Variants in LAMA1 observed in about 807,000 individuals in gnomAD.
The protein encoded by LAMA1 is laminin subunit alpha 1.
A neutral mutation model predicts 348.7 loss-of-function variants in LAMA1; 219 were observed. That is an observed-to-expected ratio of 0.63 (90% confidence interval 0.56 to 0.70). LAMA1 has a LOEUF of 0.70. Among genes scored for constraint, LAMA1 ranks in the 30% least tolerant of loss-of-function variants. LAMA1 has a pLI of 0.00. For missense variants in LAMA1, 3,744 were observed against 3,888.0 expected (o/e 0.96, Z 0.99); for synonymous variants, 1,487 against 1,491.0 (o/e 1.00, Z 0.06).
rs2057627704 is a variant in LAMA1, at chr18:6,965,290, T to C, written c.7193A>G (p.Gln2398Arg). The C allele has an allele frequency of 6.2e-7, 1 of 1,614,232 alleles. No homozygotes were observed. The highest frequency in any genetic ancestry group is 8.5e-7 in the Non-Finnish European group (1 of 1,180,030). Residue 2398 changes from glutamine (Q) to arginine (R), a missense_variant and splice_region_variant, in exon 50 of 63, where the codon CAA becomes CGA. This residue lies in a region of LAMA1 where 1,983 missense variants were observed against 1,934.3 expected (regional missense o/e 1.03). Coordinates refer to ENST00000389658, the MANE Select transcript of LAMA1 (RefSeq NM_005559.4). ...GGTGAGTCCATCTGTGTCCCTACCT[T>C]GCTTCCGGTTTCGCTGGAAGGCAAT... ...YKIAFQRNRK[Q>R]GVLAVIDAYN...
chr18:6,966,299 T>A lies in LAMA1; in HGVS notation c.6900-2A>T, dbSNP rs2057633210. The A allele has an allele frequency of 6.2e-7, 1 of 1,612,920 alleles. No individual in the cohort carries two copies. The highest frequency in any genetic ancestry group is 1.3e-5 in the African/African-American group (1 of 74,920). ...AAGGAAGGGTCTTCATTCTGGGAGC[T>A]GCAAAGCAGAAGAGATGAAATAGAA... is the stretch of plus-strand genomic sequence containing the variant. On this transcript the variant is annotated splice_acceptor_variant, in intron 48 of 62. Transcript: ENST00000389658. LOFTEE classifies it high-confidence loss of function.
chr18:6,979,743 CA>C (rs1465528123), intron 42 of LAMA1, among the ~76,000 whole-genome samples: 1 of 151,858 alleles, frequency 6.6e-6, no homozygotes, highest in South Asian at 2.1e-4. Context: ...ACTAAAAATA[CA>C]AAAAATTAGC....
intron 56 of LAMA1, chr18:6,955,734 AC>A: frequency 1.8e-6 from 1 of 546,290 alleles, no homozygotes; most frequent in South Asian, 1.8e-5. Flanking sequence ...AGTCTCTCCT[AC>A]AAATTTTCAT....
intron 1 of LAMA1, among the ~76,000 whole-genome samples, chr18:7,113,546 TG>T (rs1165400396): frequency 6.6e-6 from 1 of 152,096 alleles, no homozygotes; most frequent in Non-Finnish European, 1.5e-5. Context: ...TAAGTCACAT[TG>T]GGGAACATTA....
rs757910150 is a variant in LAMA1 at position 6,964,618 on chromosome 18, A to G, written c.7337+44T>C. On this transcript the variant is annotated intron_variant, in intron 51 of 62. Transcript: ENST00000389658. ...CCATTCTCAGCCCTAGCAAGCTAATAAAGTTGGAAATCAGCGACATGAAAA... is the reference window on the plus strand; with the variant it reads ...CCATTCTCAGCCCTAGCAAGCTAATGAAGTTGGAAATCAGCGACATGAAAA... 3.1e-6 allele frequency: 5 copies of G among 1,610,286 alleles called. No homozygotes were observed. The East Asian group carries it at 1.1e-4, about 36-fold the overall frequency.
chr18:6,991,614 T>TCCTGATCCCAGATGATCTGCCCG (rs1461037450), intron 36 of LAMA1, among the ~76,000 whole-genome samples: 1 of 151,998 alleles, frequency 6.6e-6, no homozygotes, highest in Non-Finnish European at 1.5e-5. Flanking sequence ...GGTTTTGAAC[T>TCCTGATCCCAGATGATCTGCCCG]CCTGATCCCA....
chr18:6,966,139 ACT>A lies in LAMA1; in HGVS notation c.7050+6_7050+7del. On this transcript the variant is annotated splice_donor_region_variant and intron_variant, in intron 49 of 62. Transcript: ENST00000389658. ...CAGTAGGGCCTAGGGCCGCACAAAC[ACT>A]CTTACTGTGCCGTATGAACCCAGGT... 1 of 1,614,020 alleles carries A rather than the reference ACT, an allele frequency of 6.2e-7. No homozygotes were observed.
Position 6,956,783 on chromosome 18 carries a change from A to G in LAMA1, c.7965-18T>C. Reference sequence around the variant, plus strand: ...CCAAAAGTCTAGGTAGAAACAAGAGAGTGTTTTCAAAATTAGGATATCACA... The same window carrying G: ...CCAAAAGTCTAGGTAGAAACAAGAGGGTGTTTTCAAAATTAGGATATCACA... On this transcript the variant is annotated intron_variant, in intron 55 of 62. Transcript: ENST00000389658. 6.2e-7 allele frequency: 1 copy of G among 1,614,076 alleles called. No homozygotes were observed. The highest frequency in any genetic ancestry group is 1.1e-5 in the South Asian group (1 of 91,080).
rs549125218 is a variant in LAMA1, at chr18:7,098,497, C to T, written c.62-18040G>A. 8.0e-5 allele frequency among the ~76,000 whole-genome samples: 12 copies of T among 150,384 alleles called. No individual in the cohort carries two copies. The South Asian group carries it at 2.5e-3, about 32-fold the overall frequency. ...TAAGATGTGGGGAGCGCCTCTGCCC[C>T]GCCGCCCCGTCTGGGATGTGAGGAG... On this transcript the variant is annotated intron_variant, in intron 1 of 62. Transcript: ENST00000389658.
At chr18:6,993,141 C>G (rs1319019932) in intron 35 of LAMA1, among the ~76,000 whole-genome samples, 1 of 152,134 alleles carries the variant, frequency 6.6e-6, no homozygotes, top group Non-Finnish European at 1.5e-5. Context: ...CCTATAAAGT[C>G]TGATTTTTAT....
chr18:7,008,416 C>G, intron 28 of LAMA1, 72 bp downstream of exon 28: 1 of 1,572,660 alleles, frequency 6.4e-7, no homozygotes, highest in Non-Finnish European at 8.7e-7. Context: ...TTCTGTTCAT[C>G]TCTGGGAGTT....
At chr18:7,079,547 CT>C (rs146488865) in intron 3 of LAMA1, 4,178 of 258,070 alleles carry the variant, frequency 0.016, 176 homozygotes, top group African/African-American at 0.085. Context: ...ACCGTTTTGT[CT>C]TTTTTTCTTC....
intron 1 of LAMA1, among the ~76,000 whole-genome samples, chr18:7,088,573 A>G (rs1242205545): frequency 6.6e-6 from 1 of 152,020 alleles, no homozygotes. Flanking sequence ...GCTGGAGTGC[A>G]GCGGTGCAAT....
At position 6,983,184 on chromosome 18, in the gene LAMA1, T is replaced by C. The variant is rs201437320; in HGVS notation, c.5711A>G (p.Tyr1904Cys). The C allele has an allele frequency of 3.0e-5, 49 of 1,614,164 alleles. No homozygotes were observed. The East Asian group carries it at 9.4e-4, about 31-fold the overall frequency. The change falls in exon 40 of 63, where the codon TAT (tyrosine) becomes TGT (cysteine). Residue 1904 changes from tyrosine to cysteine, a missense_variant. Physicochemically the swap from Tyr to Cys is radical, Grantham distance 194. Around this residue, in one of 3 missense-constraint regions of LAMA1, gnomAD observed 1,983 missense variants for 1,934.3 expected, o/e 1.03. Transcript: ENST00000389658. Reference sequence around the variant, plus strand: ...CAGGCTCTGGATGTTGTAATGGACATAGGCTGCACTGGTGGCATTCAGGGA... The same window carrying C: ...CAGGCTCTGGATGTTGTAATGGACACAGGCTGCACTGGTGGCATTCAGGGA... ...NVSLNATSAA[Y>C]VHYNIQSLIE...
chr18:6,995,908 AT>A (rs2144081233), intron 33 of LAMA1, among the ~76,000 whole-genome samples: 1 of 152,336 alleles, frequency 6.6e-6, no homozygotes, highest in South Asian at 2.1e-4. Flanking sequence ...GTATAATTTT[AT>A]TTCAACCTTA....
chr18:7,104,264 A>G (rs1033804929), intron 1 of LAMA1, among the ~76,000 whole-genome samples: 1 of 152,202 alleles, frequency 6.6e-6, no homozygotes, highest in African/African-American at 2.4e-5. Flanking sequence ...GGCGTGAGCC[A>G]CCGCGTCCAG....
intron 36 of LAMA1, among the ~76,000 whole-genome samples, chr18:6,990,837 C>T (rs952051722): frequency 6.6e-6 from 1 of 152,104 alleles, no homozygotes; most frequent in African/African-American, 2.4e-5. Context: ...AGGGTTTAGA[C>T]TCAAACAGAT....
chr18:7,019,703 A>T (rs2057906915), intron 19 of LAMA1, among the ~76,000 whole-genome samples: 1 of 115,418 alleles, frequency 8.7e-6, no homozygotes. Flanking sequence ...TTTTTTTGAG[A>T]CAGGGTCTCA....
Position 7,107,753 on chromosome 18 carries a change from A to G in LAMA1, c.61+9907T>C, listed in dbSNP as rs554193644. 1.3e-3 allele frequency among the ~76,000 whole-genome samples: 200 copies of G among 152,290 alleles called. 1 individual carries two copies. Among genetic ancestry groups the G allele is most frequent in the South Asian group, 3.5e-3 (17 of 4,820 alleles). On this transcript the variant is annotated intron_variant, in intron 1 of 62. Transcript: ENST00000389658. The stretch of plus-strand genomic sequence containing the variant: ...CTAAAATACTTTCTCAGTGGCTCAC[A>G]CCTGTAATCCCAGCACTTTGGGAGG...
Sources: gnomAD v4.1 joint callset for allele counts (sites outside exome capture counted in the v4.1 genomes callset) on GRCh38, gnomAD v4.1.1 for gene constraint, gnomAD v4.1.1 regional missense constraint, MANE v1.5 for transcripts, NCBI Gene and HGNC (gene_info 2026-07-23, HGNC 2026-07-21) for gene names.